PCDHGA10: variants seen among roughly 807,000 people sequenced by gnomAD.
PCDHGA10 encodes the protein protocadherin gamma-A10.
PCDHGA10 carries 42 observed loss-of-function variants against 59.5 expected under a neutral mutation model. The ratio of observed to expected loss-of-function variants is 0.71; its 90% CI spans 0.55 to 0.91. The LOEUF (loss-of-function observed/expected upper bound fraction) is 0.91. Among genes scored for constraint, PCDHGA10 ranks in the 40% least tolerant of loss-of-function variants. The pLI is 0.00. For missense variants in PCDHGA10, 1,111 were observed against 1,198.2 expected, an observed-to-expected ratio of 0.93 and a Z score of 1.07; for synonymous variants, 511 against 517.2, an observed-to-expected ratio of 0.99 and a Z score of 0.16.
chr5:141,476,137 G>A lies in PCDHGA10; in HGVS notation c.2437-18670G>A. The A allele has an allele frequency of 1.2e-6, 2 of 1,609,204 alleles. No homozygotes were observed. The highest frequency in any genetic ancestry group is 1.7e-6 in the Non-Finnish European group (2 of 1,178,592). On this transcript the variant is annotated intron_variant, in intron 1 of 3. Coordinates refer to ENST00000398610, the MANE Select transcript of PCDHGA10 (RefSeq NM_018913.3). The surrounding 1 kb of genome is among the most constrained non-coding windows in gnomAD (Gnocchi z 7.6). ...GTGAGATGGTCCCAGAGGCCTGGAGGAGCGGACTGGTAAGCACCGGGAGGG... is the reference window on the plus strand; with the variant it reads ...GTGAGATGGTCCCAGAGGCCTGGAGAAGCGGACTGGTAAGCACCGGGAGGG...
chr5:141,455,104 G>A (rs2098813087), intron 1 of PCDHGA10, among the ~76,000 whole-genome samples: 1 of 151,888 alleles, frequency 6.6e-6, no homozygotes, highest in East Asian at 1.9e-4. Flanking sequence ...GAGCCACTGC[G>A]CCCGGTGGGT....
intron 1 of PCDHGA10, chr5:141,421,396 C>T: frequency 2.5e-6 from 4 of 1,614,036 alleles, no homozygotes; most frequent in South Asian, 1.1e-5. Context: ...GGGGCTGGAG[C>T]CCCGGGAGCT....
intron 1 of PCDHGA10, chr5:141,433,225 G>A: frequency 6.6e-7 from 1 of 1,517,048 alleles, no homozygotes; most frequent in Non-Finnish European, 9.0e-7. Flanking sequence ...TTTTTTAATT[G>A]CTCTGTCTCC....
At chr5:141,468,024 T>C (rs1386255481) in intron 1 of PCDHGA10, among the ~76,000 whole-genome samples, 1 of 152,046 alleles carries the variant, frequency 6.6e-6, no homozygotes, top group African/African-American at 2.4e-5. Flanking sequence ...TGAAGTAAAA[T>C]ACTTCATTTA....
At chr5:141,449,025 C>G (rs2154562458) in intron 1 of PCDHGA10, among the ~76,000 whole-genome samples, 1 of 152,216 alleles carries the variant, frequency 6.6e-6, no homozygotes, top group East Asian at 1.9e-4. Flanking sequence ...GCTTAGCATT[C>G]CTTTGGATTA....
At chr5:141,460,087 A>T (rs2098981724) in intron 1 of PCDHGA10, among the ~76,000 whole-genome samples, 1 of 152,008 alleles carries the variant, frequency 6.6e-6, no homozygotes, top group African/African-American at 2.4e-5. Flanking sequence ...AAAAAATAAT[A>T]ATTATACATG....
In PCDHGA10 at chr5:141,476,073, A is replaced by C. The variant is rs765071344; in HGVS notation, c.2437-18734A>C. On this transcript the variant is annotated intron_variant, in intron 1 of 3. Coordinates refer to ENST00000398610, the MANE Select transcript of PCDHGA10 (RefSeq NM_018913.3). The surrounding 1 kb of genome is among the most constrained non-coding windows in gnomAD (Gnocchi z 7.6). ...GCTGAAAGTTTCTCAGCGAAATCTC[A>C]GGGACGATCTGGACCCCGCTGAGAG... 4 of 1,524,010 alleles carry C rather than the reference A, an allele frequency of 2.6e-6. No individual in the cohort carries two copies. Among genetic ancestry groups the C allele is most frequent in the Admixed American group, 4.2e-5 (2 of 47,746 alleles). The allele number at this position is 1,524,010 out of a possible 1,614,324, so 94.4% of individuals were successfully genotyped here. A position where few individuals can be genotyped will look rare whatever the true frequency, so the allele number is the denominator to read the frequency against.
At position 141,431,574 on chromosome 5, in the gene PCDHGA10, G is replaced by T. The variant is rs1476143491; in HGVS notation, c.2436+15963G>T. The T allele has an allele frequency of 6.2e-7, 1 of 1,614,196 alleles. No homozygotes were observed. Among genetic ancestry groups the T allele is most frequent in the Admixed American group, 1.7e-5 (1 of 60,034 alleles). On this transcript the variant is annotated intron_variant, in intron 1 of 3. Transcript: ENST00000398610. This position sits in a 1 kb window ranked among gnomAD's most constrained non-coding sequence, Gnocchi z 4.8. The stretch of plus-strand genomic sequence containing the variant: ...GTCAACGCTACCGACCCTGACGAAG[G>T]AGTCAATGCGGAAGTGAGGTATTCC...
chr5:141,476,264 G>T lies in PCDHGA10; in HGVS notation c.2437-18543G>T, dbSNP rs753184649. On this transcript the variant is annotated intron_variant, in intron 1 of 3. Coordinates refer to ENST00000398610, the MANE Select transcript of PCDHGA10 (RefSeq NM_018913.3). This position sits in a 1 kb window ranked among gnomAD's most constrained non-coding sequence, Gnocchi z 7.6. ...AGAGAAGGGTTTCGCTGTGGGCAAC[G>T]TGGTCGCGAACCTTGGTTTGGATCT... The T allele has an allele frequency of 5.0e-6, 8 of 1,613,964 alleles. No individual in the cohort carries two copies. In the African/African-American group the frequency reaches 8.0e-5, roughly 16 times the overall value.
At chr5:141,415,695 T>C (rs1284418994) in intron 1 of PCDHGA10, 84 bp downstream of exon 1, 1 of 1,537,350 alleles carries the variant, frequency 6.5e-7, no homozygotes, top group South Asian at 1.2e-5. Context: ...TGGTGGAAAG[T>C]GTAAATGCTA....
chr5:141,422,873 T>C (rs1474438774), intron 1 of PCDHGA10: 1 of 1,614,158 alleles, frequency 6.2e-7, no homozygotes, highest in Admixed American at 1.7e-5. Flanking sequence ...AACGTGTCGC[T>C]GAGCCTGTTC....
chr5:141,414,473 G>T lies in PCDHGA10; in HGVS notation c.1298G>T (p.Ser433Ile), dbSNP rs371832510. The change falls in exon 1 of 4, where the codon AGT (serine) becomes ATT (isoleucine). Residue 433 changes from serine to isoleucine, a missense_variant. Ser to Ile is a moderately radical substitution (Grantham distance 142). Coordinates refer to ENST00000398610, the MANE Select transcript of PCDHGA10 (RefSeq NM_018913.3). ...ACAGTGACAGCCACAGATGGGGGAA[G>T]TCCTCCTCTATCAACGGAAGCTCAC... ...NITVTATDGG[S>I]PPLSTEAHFM... The T allele has an allele frequency of 6.2e-7, 1 of 1,613,908 alleles. No homozygotes were observed. Among genetic ancestry groups the T allele is most frequent in the Non-Finnish European group, 8.5e-7 (1 of 1,179,884 alleles).
chr5:141,505,255 C>T (rs2099844853), intron 2 of PCDHGA10, 138 bp from the exon 3 acceptor site: 1 of 1,481,112 alleles, frequency 6.8e-7, no homozygotes, highest in Admixed American at 2.1e-5. Context: ...AGAAGTGCCT[C>T]CTACCTTGCT....
intron 2 of PCDHGA10, among the ~76,000 whole-genome samples, chr5:141,501,136 G>A (rs909142955): frequency 6.6e-6 from 1 of 152,090 alleles, no homozygotes; most frequent in Non-Finnish European, 1.5e-5. Context: ...CTAAGTGCTG[G>A]GATTACAGGT....
intron 2 of PCDHGA10, among the ~76,000 whole-genome samples, chr5:141,502,472 A>G (rs1450967250): frequency 1.3e-5 from 2 of 150,886 alleles, no homozygotes; most frequent in Non-Finnish European, 2.9e-5. Flanking sequence ...TACTTCCCGC[A>G]GCATCACACT....
At chr5:141,466,508 T>C (rs2099123841) in intron 1 of PCDHGA10, among the ~76,000 whole-genome samples, 1 of 152,190 alleles carries the variant, frequency 6.6e-6, no homozygotes, top group African/African-American at 2.4e-5. Context: ...ACAGACAAGA[T>C]CATTTTTTTT....
chr5:141,423,758 G>GGT (rs138224377), intron 1 of PCDHGA10: 10 of 366,772 alleles, frequency 2.7e-5, no homozygotes, highest in Non-Finnish European at 1.5e-5. Flanking sequence ...TTTGGGGGGG[G>GGT]GGTGGGGCGG....
intron 1 of PCDHGA10, chr5:141,475,890 G>C: frequency 1.8e-6 from 1 of 565,896 alleles, no homozygotes; most frequent in South Asian, 2.3e-5. Flanking sequence ...CTGGGACTCT[G>C]TGTGCCGCTG....
In PCDHGA10 at chr5:141,489,091, T is replaced by TCAG. The variant is rs2099682519; in HGVS notation, c.2437-5716_2437-5715insCAG. On this transcript the variant is annotated intron_variant, in intron 1 of 3. Transcript: ENST00000398610. This position sits in a 1 kb window ranked among gnomAD's most constrained non-coding sequence, Gnocchi z 4.5. ...CTGCCCACCCCCGCCACTCGGTGACTAAGAACTGCTGCAAGCAGGCAAACC... is the reference window on the plus strand; with the variant it reads ...CTGCCCACCCCCGCCACTCGGTGACTCAGAAGAACTGCTGCAAGCAGGCAAACC... The TCAG allele has an allele frequency of 3.0e-6, 1 of 333,056 alleles. No individual in the cohort carries two copies. Among genetic ancestry groups the TCAG allele is most frequent in the Non-Finnish European group, 5.5e-6 (1 of 181,380 alleles). 20.6% of individuals were successfully genotyped at this position (333,056 alleles called of 1,614,324 possible). A position where few individuals can be genotyped will look rare whatever the true frequency, so the allele number is the denominator to read the frequency against.
Sources: allele counts gnomAD v4.1 joint callset (sites outside exome capture counted in the v4.1 genomes callset), GRCh38; gene constraint gnomAD v4.1.1; non-coding constraint Gnocchi (gnomAD v3.1); transcripts MANE v1.5; gene names NCBI Gene and HGNC (gene_info 2026-07-23, HGNC 2026-07-21).